The following MYO10 variants were observed in gnomAD, a reference collection of about 807,000 sequenced individuals.
MYO10 encodes myosin X, also known as unconventional myosin-X.
A neutral mutation model predicts 257.3 loss-of-function variants in MYO10; 133 were observed. The ratio of observed to expected loss-of-function variants is 0.52; its 90% CI spans 0.45 to 0.60. MYO10 has a LOEUF of 0.60. Ranked by LOEUF, MYO10 falls within the 20% of genes least tolerant of loss-of-function variation. MYO10 has a pLI of 0.00. For synonymous variants in MYO10, 1,104 were observed against 1,028.6 expected (o/e 1.07, Z -1.40); for missense variants, 2,399 against 2,635.7 (o/e 0.91, Z 1.97).
At chr5:16,673,303 G>T (rs985861921) in intron 36 of MYO10, among the ~76,000 whole-genome samples, 3 of 151,662 alleles carry the variant, frequency 2.0e-5, no homozygotes, top group African/African-American at 7.3e-5. Context: ...ATTTTAAAAA[G>T]AAAATGTGTT....
chr5:16,908,425 G>A (rs1580139195), intron 1 of MYO10, among the ~76,000 whole-genome samples: 1 of 152,148 alleles, frequency 6.6e-6, no homozygotes, highest in East Asian at 1.9e-4. Context: ...CTACTCAGGA[G>A]GCTGAGGCAG....
At chr5:16,677,560 C>T (rs1304601571) in intron 33 of MYO10, among the ~76,000 whole-genome samples, 3 of 151,530 alleles carry the variant, frequency 2.0e-5, no homozygotes, top group Admixed American at 6.6e-5. Flanking sequence ...GGACTACAGG[C>T]GCCTGCCACC....
chr5:16,835,715 C>T (rs187780540), intron 2 of MYO10, among the ~76,000 whole-genome samples: 3 of 150,606 alleles, frequency 2.0e-5, no homozygotes, highest in Non-Finnish European at 2.9e-5. Context: ...AAAACACTCT[C>T]TGAATTAATG....
At position 16,703,420 on chromosome 5, in the gene MYO10, TA is replaced by T. The variant is rs1738178065; in HGVS notation, c.2277-263del. Among the ~76,000 whole-genome samples, 3 of 152,328 alleles carry T rather than the reference TA, an allele frequency of 2.0e-5. No homozygotes were observed. In the South Asian group the frequency reaches 6.2e-4, roughly 32 times the overall value. ...AACACATAACCCCTCATGTTGGCTT[TA>T]AGTAGTCTTGGCAGAAAGTTGGGTA... On this transcript the variant is annotated intron_variant, in intron 22 of 40. Coordinates refer to ENST00000513610, the MANE Select transcript of MYO10 (RefSeq NM_012334.3).
At chr5:16,729,806 C>T (rs1206486456) in intron 19 of MYO10, among the ~76,000 whole-genome samples, 1 of 152,024 alleles carries the variant, frequency 6.6e-6, no homozygotes, top group Non-Finnish European at 1.5e-5. Flanking sequence ...CCAACTGTAC[C>T]CCAGCCAACC....
intron 4 of MYO10, among the ~76,000 whole-genome samples, chr5:16,793,583 A>G (rs977936329): frequency 2.0e-5 from 3 of 152,120 alleles, no homozygotes; most frequent in African/African-American, 7.2e-5. Context: ...TTGGCCTCCT[A>G]AAGTGCTGGG....
At chr5:16,668,090 T>C (rs549762129) in intron 40 of MYO10, among the ~76,000 whole-genome samples, 187 bp downstream of exon 40, 3 of 152,098 alleles carry the variant, frequency 2.0e-5, no homozygotes, top group African/African-American at 7.2e-5. Context: ...ACAAAAAAAA[T>C]ATGGTGATCT....
chr5:16,758,363 TC>T, intron 17 of MYO10, 137 bp from the exon 18 acceptor site: 1 of 641,196 alleles, frequency 1.6e-6, no homozygotes, highest in Non-Finnish European at 2.8e-6. Context: ...TAAGACAGCT[TC>T]CAAAGATTTC....
intron 1 of MYO10, among the ~76,000 whole-genome samples, chr5:16,906,207 C>T (rs1345055677): frequency 6.6e-6 from 1 of 152,142 alleles, no homozygotes; most frequent in African/African-American, 2.4e-5. Context: ...GGGTAGGGTC[C>T]AGAATGGACC....
chr5:16,756,655 C>T (rs1321606563), intron 18 of MYO10, among the ~76,000 whole-genome samples: 1 of 152,092 alleles, frequency 6.6e-6, no homozygotes, highest in Non-Finnish European at 1.5e-5. Context: ...GTGTCCTGTC[C>T]GGCTGGTGTT....
At chr5:16,925,099 G>A (rs1382482859) in intron 1 of MYO10, among the ~76,000 whole-genome samples, 1 of 151,984 alleles carries the variant, frequency 6.6e-6, no homozygotes, top group Non-Finnish European at 1.5e-5. Context: ...CCAAAGTGCT[G>A]GGATTACAGG....
intron 21 of MYO10, among the ~76,000 whole-genome samples, chr5:16,707,024 T>C (rs1018543611): frequency 5.3e-5 from 8 of 152,192 alleles, no homozygotes; most frequent in African/African-American, 9.6e-5. Flanking sequence ...AATTGGATCA[T>C]GGGCGCAGGT....
chr5:16,826,521 C>T (rs1307346511), intron 2 of MYO10, among the ~76,000 whole-genome samples: 2 of 152,184 alleles, frequency 1.3e-5, no homozygotes. Flanking sequence ...GGGAGTGCGG[C>T]AGGAGGAGCC....
chr5:16,667,667 T>C (rs375380203), intron 40 of MYO10, among the ~76,000 whole-genome samples: 1 of 151,674 alleles, frequency 6.6e-6, no homozygotes, highest in East Asian at 1.9e-4. Context: ...AACGCCCTCC[T>C]CAATGCCTCT....
chr5:16,789,014 G>A (rs1054322226), intron 4 of MYO10, among the ~76,000 whole-genome samples: 1 of 152,174 alleles, frequency 6.6e-6, no homozygotes, highest in African/African-American at 2.4e-5. Flanking sequence ...GAAGGAAAAG[G>A]AATCTGATAC....
chr5:16,720,170 A>G (rs1163550159), intron 19 of MYO10, among the ~76,000 whole-genome samples: 1 of 152,130 alleles, frequency 6.6e-6, no homozygotes. Context: ...AGGATGCAAA[A>G]TGGTAGAGAG....
chr5:16,741,823 C>G (rs988021843), intron 19 of MYO10: 13 of 985,312 alleles, frequency 1.3e-5, no homozygotes, highest in Non-Finnish European at 1.4e-5. Context: ...TCTTTCACCC[C>G]TTCAGTTTCT....
At chr5:16,769,031 G>A (rs184551442) in intron 10 of MYO10, 43 bp downstream of exon 10, 23 of 1,550,148 alleles carry the variant, frequency 1.5e-5, no homozygotes, top group African/African-American at 2.8e-5. Context: ...AGTTTCCCAC[G>A]GGGAACAAAG....
rs1024019942 is a variant in MYO10 at position 16,783,513 on chromosome 5, T to A, written c.468-44A>T. ...AAGTTTGTGCTTCTAACTATAATTT[T>A]TAAAAAAAAATCAGCTTTGGTCAAT... On this transcript the variant is annotated intron_variant, in intron 4 of 40. Coordinates refer to ENST00000513610, the MANE Select transcript of MYO10 (RefSeq NM_012334.3). The A allele has an allele frequency of 1.9e-6, 3 of 1,572,672 alleles. No homozygotes were observed. In the African/African-American group the frequency reaches 4.1e-5, roughly 22 times the overall value.
Sources: gnomAD v4.1 joint callset for allele counts (sites outside exome capture counted in the v4.1 genomes callset) on GRCh38, gnomAD v4.1.1 for gene constraint, MANE v1.5 for transcripts, NCBI Gene and HGNC (gene_info 2026-07-23, HGNC 2026-07-21) for gene names.